The following FASTK variants were observed in gnomAD, a reference collection of about 807,000 sequenced individuals.
FASTK encodes the protein Fas activated serine/threonine kinase.
FASTK carries 28 observed loss-of-function variants against 60.0 expected under a neutral mutation model. The observed-to-expected ratio is 0.47, with a 90% CI of 0.35 to 0.64. The LOEUF is 0.64. Among genes scored for constraint, FASTK ranks in the 30% least tolerant of loss-of-function variants. The pLI is 0.01. For synonymous variants in FASTK, 325 were observed against 307.9 expected (o/e 1.06, Z -0.58); for missense variants, 595 against 713.8 (o/e 0.83, Z 1.90).
chr7:151,080,681 C>A lies in FASTK; in HGVS notation c.82+4G>T. 1 of 1,437,228 alleles carries A rather than the reference C, an allele frequency of 7.0e-7. No homozygotes were observed. Among genetic ancestry groups the A allele is most frequent in the Non-Finnish European group, 9.1e-7 (1 of 1,100,794 alleles). The allele number at this position is 1,437,228 out of a possible 1,614,324, so 89.0% of individuals were successfully genotyped here. ...GCAGCCCTCCCCGCAGGCGCCACCC[C>A]TACATGACTCCCCGGGCCCTGCGCA... On this transcript the variant is annotated splice_donor_region_variant and intron_variant, in intron 1 of 9. Transcript: ENST00000297532.
chr7:151,077,853 CCCAG>C, intron 5 of FASTK, 22 bp downstream of exon 5: 1 of 1,604,944 alleles, frequency 6.2e-7, no homozygotes. Context: ...CCCTCAGGGG[CCCAG>C]CCAGCCATCC....
chr7:151,080,047 G>T, intron 1 of FASTK, 125 bp from the exon 2 acceptor site: 1 of 816,414 alleles, frequency 1.2e-6, no homozygotes, highest in Non-Finnish European at 1.9e-6. Flanking sequence ...TGACTGCTCT[G>T]GGCCTCTTCC....
At position 151,079,530 on chromosome 7, in the gene FASTK, G is replaced by A. The variant is rs1797862944; in HGVS notation, c.475C>T (p.His159Tyr). ...AAGACTGCAAGGTGCAGACACACGT[G>A]GATGGTGTGAATGTCAAAGGAGGGG... is the stretch of plus-strand genomic sequence containing the variant. ...NCPSFDIHTI[H>Y]VCLHLAVLLG... The change falls in exon 2 of 10, where the codon CAC becomes TAC. Residue 159 changes from histidine (H) to tyrosine (Y), a missense_variant. This residue lies in a region of FASTK where 471 missense variants were observed against 605.9 expected (regional missense o/e 0.78). Coordinates refer to ENST00000297532, the MANE Select transcript of FASTK (RefSeq NM_006712.5). The A allele has an allele frequency of 6.2e-7, 1 of 1,611,494 alleles. No individual in the cohort carries two copies. Among genetic ancestry groups the A allele is most frequent in the South Asian group, 1.1e-5 (1 of 90,814 alleles).
chr7:151,080,588 C>G, intron 1 of FASTK, 97 bp downstream of exon 1: 1 of 1,335,882 alleles, frequency 7.5e-7, no homozygotes, highest in Non-Finnish European at 9.5e-7. Flanking sequence ...GCCCCAACAC[C>G]CACCCCGGCC....
chr7:151,080,507 C>T (rs1797931093), intron 1 of FASTK, 178 bp downstream of exon 1: 1 of 1,288,244 alleles, frequency 7.8e-7, no homozygotes, highest in South Asian at 2.4e-5. Flanking sequence ...AAACGCAGCG[C>T]CCACCTCGCA....
At chr7:151,077,588 GC>G in intron 6 of FASTK, 32 bp downstream of exon 6, 1 of 1,530,312 alleles carries the variant, frequency 6.5e-7, no homozygotes. Flanking sequence ...TCCCAGGCTG[GC>G]CCCTCCCCTT....
chr7:151,080,137 C>G (rs1469893331), intron 1 of FASTK: 3 of 559,018 alleles, frequency 5.4e-6, no homozygotes, highest in African/African-American at 1.9e-5. Context: ...GCACTACTTG[C>G]AAAGCAATTC....
At chr7:151,077,846 TC>T in intron 5 of FASTK, 32 bp downstream of exon 5, 1 of 1,603,554 alleles carries the variant, frequency 6.2e-7, no homozygotes, top group Non-Finnish European at 8.5e-7. Context: ...TCTCCAGCCC[TC>T]AGGGGCCCAG....
In FASTK at chr7:151,077,097, T is replaced by C; in HGVS notation, c.1427+4A>G. 1 of 1,608,722 alleles carries C rather than the reference T, an allele frequency of 6.2e-7. No homozygotes were observed. Among genetic ancestry groups the C allele is most frequent in the African/African-American group, 1.3e-5 (1 of 74,946 alleles). ...CCAGGGCTCCCCCACCCTGCCTCCT[T>C]TACCTCTGGGCAGGGTCTCGAGTAG... On this transcript the variant is annotated splice_donor_region_variant and intron_variant, in intron 8 of 9. Coordinates refer to ENST00000297532, the MANE Select transcript of FASTK (RefSeq NM_006712.5).
intron 1 of FASTK, chr7:151,080,418 G>C: frequency 7.7e-6 from 9 of 1,165,274 alleles, no homozygotes; most frequent in Non-Finnish European, 9.8e-6. Context: ...TGGGTTCCAT[G>C]CTGGGCGCTC....
chr7:151,076,797 C>T lies in FASTK; in HGVS notation c.1578G>A (p.Leu526=), dbSNP rs1273384386. 6.2e-7 allele frequency: 1 copy of T among 1,612,388 alleles called. No individual in the cohort carries two copies. The highest frequency in any genetic ancestry group is 8.5e-7 in the Non-Finnish European group (1 of 1,179,464). Residue 526 remains leucine (L), a synonymous_variant, in exon 10 of 10, where the codon CTG becomes CTA. Coordinates refer to ENST00000297532, the MANE Select transcript of FASTK (RefSeq NM_006712.5). ...PFEELESQRG[L]PQLKSYLRQK... ...GCCTCAGGTAGCTCTTGAGCTGGGG[C>T]AGGCCTCTCTGGGACTCCAGTTCCT... is the stretch of plus-strand genomic sequence containing the variant.
At position 151,076,693 on chromosome 7, in the gene FASTK, G is replaced by C; in HGVS notation, c.*32C>G. 1 of 1,368,776 alleles carries C rather than the reference G, an allele frequency of 7.3e-7. No homozygotes were observed. 84.8% of individuals were successfully genotyped at this position (1,368,776 alleles called of 1,614,324 possible). A position where few individuals can be genotyped will look rare whatever the true frequency, so the allele number is the denominator to read the frequency against. On this transcript the variant is annotated 3_prime_UTR_variant, in exon 10 of 10. Coordinates refer to ENST00000297532, the MANE Select transcript of FASTK (RefSeq NM_006712.5). ...AAAGTGCAAATCATCCACCCCCCAT[G>C]GGGGGGCCATCCTGAACCCCACATC...
Position 151,077,744 on chromosome 7 carries a change from G to C in FASTK, c.1076C>G (p.Ser359Cys). 6.3e-7 allele frequency: 1 copy of C among 1,597,346 alleles called. No homozygotes were observed. Among genetic ancestry groups the C allele is most frequent in the Non-Finnish European group, 8.5e-7 (1 of 1,170,484 alleles). The change falls in exon 6 of 10, where the codon TCC becomes TGC. Residue 359 changes from serine to cysteine, a missense_variant. Coordinates refer to ENST00000297532, the MANE Select transcript of FASTK (RefSeq NM_006712.5). ...CAGCTCCACGGCCGTGTCCAGCAGG[G>C]AGAGGTAGCGACGCACAATCAGAGC... ...PHALIVRRYL[S>C]LLDTAVELEL...
In FASTK at chr7:151,080,673, C is replaced by T. The variant is rs1474872631; in HGVS notation, c.82+12G>A. 4 of 1,438,578 alleles carry T rather than the reference C, an allele frequency of 2.8e-6. No individual in the cohort carries two copies. The highest frequency in any genetic ancestry group is 1.8e-6 in the Non-Finnish European group (2 of 1,101,298). The allele number at this position is 1,438,578 out of a possible 1,614,324, so 89.1% of individuals were successfully genotyped here. On this transcript the variant is annotated intron_variant, in intron 1 of 9. Coordinates refer to ENST00000297532, the MANE Select transcript of FASTK (RefSeq NM_006712.5). ...GCCCTCCCGCAGCCCTCCCCGCAGGCGCCACCCCTACATGACTCCCCGGGC... is the reference window on the plus strand; with the variant it reads ...GCCCTCCCGCAGCCCTCCCCGCAGGTGCCACCCCTACATGACTCCCCGGGC...
At chr7:151,080,580 C>T in intron 1 of FASTK, 105 bp downstream of exon 1, 1 of 1,329,606 alleles carries the variant, frequency 7.5e-7, no homozygotes, top group Non-Finnish European at 9.6e-7. Flanking sequence ...AGTCGGGGGC[C>T]CCAACACCCA....
Position 151,080,676 on chromosome 7 carries a change from C to A in FASTK, c.82+9G>T. 1 of 1,438,982 alleles carries A rather than the reference C, an allele frequency of 6.9e-7. No individual in the cohort carries two copies. The highest frequency in any genetic ancestry group is 2.9e-5 in the Admixed American group (1 of 35,074). The allele number at this position is 1,438,982 out of a possible 1,614,324, so 89.1% of individuals were successfully genotyped here. A position where few individuals can be genotyped will look rare whatever the true frequency, so the allele number is the denominator to read the frequency against. On this transcript the variant is annotated intron_variant, in intron 1 of 9. Coordinates refer to ENST00000297532, the MANE Select transcript of FASTK (RefSeq NM_006712.5). ...CTCCCGCAGCCCTCCCCGCAGGCGC[C>A]ACCCCTACATGACTCCCCGGGCCCT...
chr7:151,077,715 G>T lies in FASTK; in HGVS notation c.1105C>A (p.Leu369Ile). The T allele has an allele frequency of 6.3e-7, 1 of 1,592,090 alleles. No individual in the cohort carries two copies. Residue 369 changes from leucine to isoleucine, a missense_variant, in exon 6 of 10, where the codon CTC (leucine) becomes ATC (isoleucine). Physicochemically the swap from Leu to Ile is conservative, Grantham distance 5. Transcript: ENST00000297532. The part of the protein sequence containing the change: ...SLLDTAVELE[L>I]PGYRGPRLPR... ...AGGCGGGGACCCCGGTATCCTGGGA[G>T]CTCCAGCTCCACGGCCGTGTCCAGC...
chr7:151,080,609 AG>A (rs2150389502), intron 1 of FASTK, 75 bp downstream of exon 1: 1 of 1,367,870 alleles, frequency 7.3e-7, no homozygotes, highest in Non-Finnish European at 9.4e-7. Flanking sequence ...CAGGGACGCC[AG>A]GAGACCGTGG....
rs767669083 is a variant in FASTK, at chr7:151,079,566, T to C, written c.439A>G (p.Ile147Val). ...ATGTCAAAGGAGGGGCAGTTTCGGA[T>C]GATGAGCTGACTCAAGTCCTGCAGT... ...VTLQDLSQLI[I>V]RNCPSFDIHT... The change falls in exon 2 of 10, where the codon ATC (isoleucine) becomes GTC (valine). Residue 147 changes from isoleucine to valine, a missense_variant. Coordinates refer to ENST00000297532, the MANE Select transcript of FASTK (RefSeq NM_006712.5). 45 of 1,613,832 alleles carry C rather than the reference T, an allele frequency of 2.8e-5. 1 individual carries two copies. The South Asian group carries it at 3.4e-4, about 12-fold the overall frequency.
Sources: gnomAD v4.1 joint callset for allele counts on GRCh38, gnomAD v4.1.1 for gene constraint, gnomAD v4.1.1 regional missense constraint, MANE v1.5 for transcripts, NCBI Gene and HGNC (gene_info 2026-07-23, HGNC 2026-07-21) for gene names.